AP2B1: variants seen among roughly 807,000 people sequenced by gnomAD.
The protein encoded by AP2B1 is adaptor related protein complex 2 subunit beta 1.
AP2B1 carries 23 observed loss-of-function variants against 102.0 expected under a neutral mutation model. That is an observed-to-expected ratio of 0.23 (90% CI 0.16 to 0.32). AP2B1 has a LOEUF of 0.32. AP2B1 is among the 10% of genes least tolerant of loss of function. The pLI is 1.00. For missense variants in AP2B1, 541 were observed against 1,157.4 expected (o/e 0.47, Z 7.73); for synonymous variants, 381 against 421.2 (o/e 0.90, Z 1.17).
chr17:35,674,761 C>T (rs1398417062), intron 17 of AP2B1, among the ~76,000 whole-genome samples: 2 of 152,196 alleles, frequency 1.3e-5, no homozygotes, highest in Non-Finnish European at 1.5e-5. Flanking sequence ...TGAGCCCTGG[C>T]TCTTGCAAGC....
intron 12 of AP2B1, among the ~76,000 whole-genome samples, chr17:35,645,046 A>G (rs2074889876): frequency 6.7e-6 from 1 of 148,826 alleles, no homozygotes; most frequent in Non-Finnish European, 1.5e-5. Context: ...AAAAAAAAAG[A>G]AAGAAAAAAA....
chr17:35,611,279 C>T (rs556794271), intron 5 of AP2B1, among the ~76,000 whole-genome samples: 3 of 152,136 alleles, frequency 2.0e-5, no homozygotes, highest in African/African-American at 7.2e-5. Flanking sequence ...TCATGTACCC[C>T]GTGGAAACTT....
chr17:35,597,075 G>A, intron 2 of AP2B1: 3 of 556,562 alleles, frequency 5.4e-6, no homozygotes, highest in Non-Finnish European at 3.3e-6. Flanking sequence ...AGGACCCCTG[G>A]GCGCCCCCGC....
chr17:35,686,493 G>A (rs1180326399), intron 18 of AP2B1, among the ~76,000 whole-genome samples: 7 of 152,146 alleles, frequency 4.6e-5, no homozygotes, highest in East Asian at 1.9e-4. Flanking sequence ...ATGATTTAAC[G>A]TGTTCATCTC....
At chr17:35,705,342 A>G (rs781180172) in intron 18 of AP2B1, among the ~76,000 whole-genome samples, 5 of 152,192 alleles carry the variant, frequency 3.3e-5, no homozygotes, top group Non-Finnish European at 7.3e-5. Flanking sequence ...TAGCAAAAGG[A>G]ATCATTAAGC....
rs1226419185 is a variant in AP2B1, at chr17:35,657,648, G to C, written c.1846G>C (p.Glu616Gln). The change falls in exon 14 of 22, where the codon GAA becomes CAA. Residue 616 changes from glutamate (E) to glutamine (Q), a missense_variant. By Grantham distance (29) the Glu-to-Gln change is conservative (BLOSUM62 2). Around this residue, in one of 10 missense-constraint regions of AP2B1, gnomAD observed 39 missense variants for 42.0 expected, o/e 0.93. Transcript: ENST00000610402. Reference protein sequence around the residue: ...PVGTTTATNLEQPQVIPSQGD... With the variant: ...PVGTTTATNLQQPQVIPSQGD... ...TGGCACTACCACTGCAACGAACCTG[G>C]AACAGCCTCAGGTTATCCCCTCTCA... The C allele has an allele frequency of 6.2e-6, 10 of 1,613,978 alleles. No individual in the cohort carries two copies. Among genetic ancestry groups the C allele is most frequent in the Non-Finnish European group, 6.8e-6 (8 of 1,179,992 alleles).
Position 35,707,200 on chromosome 17 carries a change from C to T in AP2B1, c.2455-2024C>T, listed in dbSNP as rs184552096. Among the ~76,000 whole-genome samples, 20 of 152,174 alleles carry T rather than the reference C, an allele frequency of 1.3e-4. 1 individual carries two copies. The highest frequency in any genetic ancestry group is 4.8e-4 in the African/African-American group (20 of 41,492). On this transcript the variant is annotated intron_variant, in intron 18 of 21. Coordinates refer to ENST00000610402, the MANE Select transcript of AP2B1 (RefSeq NM_001030006.2). Reference sequence around the variant, plus strand: ...GACGGAGTCTTGCTCTGTCACCAGGCTGGAGTGCAGTGACACGATTTCGGC... The same window carrying T: ...GACGGAGTCTTGCTCTGTCACCAGGTTGGAGTGCAGTGACACGATTTCGGC...
Position 35,723,780 on chromosome 17 carries a change from C to A in AP2B1, c.*81C>A. 3 of 1,092,072 alleles carry A rather than the reference C, an allele frequency of 2.7e-6. No homozygotes were observed. The highest frequency in any genetic ancestry group is 1.5e-5 in the African/African-American group (1 of 64,830). The allele number at this position is 1,092,072 out of a possible 1,614,324, so 67.6% of individuals were successfully genotyped here. On this transcript the variant is annotated 3_prime_UTR_variant, in exon 22 of 22. Transcript: ENST00000610402. Reference sequence around the variant, plus strand: ...TTAACTGGAAGAAATTGTATTGCTGCGTAGAATCTGAACACACTGAGGCCA... The same window carrying A: ...TTAACTGGAAGAAATTGTATTGCTGAGTAGAATCTGAACACACTGAGGCCA...
intron 9 of AP2B1, among the ~76,000 whole-genome samples, chr17:35,628,872 T>G (rs2074387862): frequency 6.6e-6 from 1 of 152,204 alleles, no homozygotes; most frequent in Non-Finnish European, 1.5e-5. Context: ...ATATTACGAC[T>G]GTGTAAATAT....
At chr17:35,638,432 ATTAC>A (rs1161587082) in intron 10 of AP2B1, among the ~76,000 whole-genome samples, 1 of 152,192 alleles carries the variant, frequency 6.6e-6, no homozygotes. Flanking sequence ...AAATATTTTA[ATTAC>A]TTCTTTCTTT....
chr17:35,722,376 T>C (rs1166262875), intron 21 of AP2B1, among the ~76,000 whole-genome samples: 5 of 152,248 alleles, frequency 3.3e-5, no homozygotes, highest in African/African-American at 1.2e-4. Context: ...TTTGGTTTTT[T>C]TTACATTTAT....
chr17:35,666,748 T>C (rs964820224), intron 14 of AP2B1, among the ~76,000 whole-genome samples: 1 of 152,192 alleles, frequency 6.6e-6, no homozygotes, highest in Non-Finnish European at 1.5e-5. Flanking sequence ...ATAACAGATA[T>C]CACTCTGAGT....
chr17:35,710,351 T>C (rs781785570), intron 20 of AP2B1, 31 bp downstream of exon 20: 2 of 1,416,558 alleles, frequency 1.4e-6, no homozygotes, highest in South Asian at 2.4e-5. Context: ...TTCAGTTTCA[T>C]CTTAGTAAAT....
rs760951186 is a variant in AP2B1 at position 35,636,502 on chromosome 17, A to C, written c.1271+46A>C. On this transcript the variant is annotated intron_variant, in intron 10 of 21. Coordinates refer to ENST00000610402, the MANE Select transcript of AP2B1 (RefSeq NM_001030006.2). ...CCCTCTTTCTCAAATTACTTAGGAA[A>C]TGTTTAAGGCACTTTGAAATTGCCT... 17 of 1,454,044 alleles carry C rather than the reference A, an allele frequency of 1.2e-5. No homozygotes were observed. In the African/African-American group the frequency reaches 2.2e-4, roughly 19 times the overall value. The allele number at this position is 1,454,044 out of a possible 1,614,324, so 90.1% of individuals were successfully genotyped here. A position where few individuals can be genotyped will look rare whatever the true frequency, so the allele number is the denominator to read the frequency against.
rs377040347 is a variant in AP2B1 at position 35,650,729 on chromosome 17, A to G, written c.1736A>G (p.Asn579Ser). Residue 579 changes from asparagine to serine, a missense_variant, in exon 13 of 22, where the codon AAT becomes AGT. Asn to Ser is a conservative substitution (Grantham distance 46). Coordinates refer to ENST00000610402, the MANE Select transcript of AP2B1 (RefSeq NM_001030006.2). ...SLASVYHKPP[N>S]AFVEGSHGIH... ...GCCTCTGTGTATCATAAGCCTCCCA[A>G]TGCTTTTGTGGAAGGAAGTCATGGA... 6.8e-5 allele frequency: 110 copies of G among 1,614,046 alleles called. No homozygotes were observed. Among genetic ancestry groups the G allele is most frequent in the Non-Finnish European group, 8.9e-5 (105 of 1,180,032 alleles).
chr17:35,716,719 G>T (rs2076558161), intron 20 of AP2B1, among the ~76,000 whole-genome samples: 1 of 152,182 alleles, frequency 6.6e-6, no homozygotes. Context: ...GGCTCACAAT[G>T]AAGTAGTAGT....
intron 11 of AP2B1, among the ~76,000 whole-genome samples, chr17:35,640,235 T>TA (rs1567876082): frequency 1.3e-4 from 1 of 7,430 alleles, no homozygotes; most frequent in African/African-American, 6.9e-4. Flanking sequence ...TGATTTTTTT[T>TA]TTTTTTTTTT....
chr17:35,623,364 G>A (rs2074235698), intron 5 of AP2B1, among the ~76,000 whole-genome samples: 1 of 151,964 alleles, frequency 6.6e-6, no homozygotes, highest in Non-Finnish European at 1.5e-5. Flanking sequence ...AGGGGTTCGA[G>A]ACCAGCCTGG....
intron 14 of AP2B1, among the ~76,000 whole-genome samples, chr17:35,660,644 G>A (rs574451169): frequency 8.9e-4 from 136 of 151,988 alleles, no homozygotes; most frequent in African/African-American, 3.0e-3. Flanking sequence ...CACCACGCCC[G>A]GCTAATTTTT....
Sources: allele counts gnomAD v4.1 joint callset (sites outside exome capture counted in the v4.1 genomes callset), GRCh38; gene constraint gnomAD v4.1.1; regional missense constraint gnomAD v4.1.1; transcripts MANE v1.5; gene names NCBI Gene and HGNC (gene_info 2026-07-23, HGNC 2026-07-21).